SLC12A6: variants seen among roughly 807,000 people sequenced by gnomAD.
SLC12A6 encodes K-Cl cotransporter 3.
SLC12A6 carries 66 observed loss-of-function variants against 135.3 expected under a neutral mutation model. The ratio of observed to expected loss-of-function variants is 0.49; its 90% confidence interval spans 0.40 to 0.60. The LOEUF is 0.60. Among genes scored for constraint, SLC12A6 ranks in the 20% least tolerant of loss-of-function variants. The pLI, the probability that SLC12A6 is intolerant of heterozygous loss-of-function variation, is 0.00. For missense variants in SLC12A6, 1,058 were observed against 1,452.3 expected (o/e 0.73, Z 4.41); for synonymous variants, 513 against 508.8 (o/e 1.01, Z -0.11).
Position 34,230,480 on chromosome 15 carries a change from TG to T in SLC12A6, c.*3400del. ...CCCCCTGCCGAAGGAACCTGGCACC[TG>T]TCAAGCAGATGCTGCAGTTCAAACT... On this transcript the variant is annotated 3_prime_UTR_variant, in exon 26 of 26. Transcript: ENST00000354181. 1 of 152,590 alleles carries T rather than the reference TG, an allele frequency of 6.6e-6. No homozygotes were observed. The highest frequency in any genetic ancestry group is 1.5e-5 in the Non-Finnish European group (1 of 68,052). The allele number at this position is 152,590 out of a possible 1,614,324, so 9.5% of individuals were successfully genotyped here. A position where few individuals can be genotyped will look rare whatever the true frequency, so the allele number is the denominator to read the frequency against.
At chr15:34,237,094 G>GT (rs999716906) in intron 22 of SLC12A6, 27 of 471,574 alleles carry the variant, frequency 5.7e-5, no homozygotes, top group Non-Finnish European at 6.9e-5. Context: ...ATACTGTTAG[G>GT]TTTTTTTTAA....
chr15:34,283,693 C>T (rs1456528145), intron 2 of SLC12A6, among the ~76,000 whole-genome samples: 1 of 151,646 alleles, frequency 6.6e-6, no homozygotes, highest in Non-Finnish European at 1.5e-5. Context: ...TGTAGTGTAG[C>T]ACACTATAAT....
Position 34,337,700 on chromosome 15 carries a change from G to C in SLC12A6, c.-441C>G, listed in dbSNP as rs1890289541. 6.6e-6 allele frequency: 1 copy of C among 152,468 alleles called. No individual in the cohort carries two copies. Among genetic ancestry groups the C allele is most frequent in the African/African-American group, 2.4e-5 (1 of 41,466 alleles). 9.4% of individuals were successfully genotyped at this position (152,468 alleles called of 1,614,324 possible). The stretch of plus-strand genomic sequence containing the variant: ...CTGGCCTGACTGGGCAGCAGGGTGA[G>C]GGAGAAGGAGGTCGCAGGTGCAGTA... On this transcript the variant is annotated 5_prime_UTR_variant, in exon 1 of 26. Coordinates refer to ENST00000354181, the MANE Select transcript of SLC12A6 (RefSeq NM_001365088.1).
At chr15:34,244,235 C>T (rs1169736753) in intron 15 of SLC12A6, among the ~76,000 whole-genome samples, 163 bp from the exon 16 acceptor site, 1 of 152,196 alleles carries the variant, frequency 6.6e-6, no homozygotes, top group Non-Finnish European at 1.5e-5. Flanking sequence ...AACTGTTCAT[C>T]CTTCTCTGTT....
intron 2 of SLC12A6, among the ~76,000 whole-genome samples, chr15:34,284,116 T>C (rs1178522950): frequency 6.6e-6 from 1 of 151,706 alleles, no homozygotes; most frequent in African/African-American, 2.4e-5. Flanking sequence ...AGAACAGAAA[T>C]GGGGAAACCA....
At chr15:34,329,936 G>A (rs1037859178) in intron 2 of SLC12A6, among the ~76,000 whole-genome samples, 1 of 152,156 alleles carries the variant, frequency 6.6e-6, no homozygotes, top group Non-Finnish European at 1.5e-5. Flanking sequence ...TTGGGGAGGA[G>A]TGGGGAGGAA....
At chr15:34,293,098 A>G (rs758792009) in intron 2 of SLC12A6, among the ~76,000 whole-genome samples, 18 of 152,148 alleles carry the variant, frequency 1.2e-4, no homozygotes, top group Non-Finnish European at 2.2e-4. Flanking sequence ...TTCTGTGTCA[A>G]TCTTGCTGGG....
At chr15:34,332,927 A>G (rs1205483905) in intron 2 of SLC12A6, among the ~76,000 whole-genome samples, 2 of 152,236 alleles carry the variant, frequency 1.3e-5, no homozygotes, top group Non-Finnish European at 2.9e-5. Flanking sequence ...AGCACTAGAT[A>G]AAAGTCAGGA....
rs146432613 is a variant in SLC12A6, at chr15:34,270,328, TA to T, written c.316+5016del. ...CTGATCTTGAACCCCTGGCCTCAAGTAATCCTCCTACCTCCCTCCTCAGCCT... is the reference window on the plus strand; with the variant it reads ...CTGATCTTGAACCCCTGGCCTCAAGTATCCTCCTACCTCCCTCCTCAGCCT... On this transcript the variant is annotated intron_variant, in intron 3 of 25. Transcript: ENST00000354181. Among the ~76,000 whole-genome samples, 913 of 149,048 alleles carry T rather than the reference TA, an allele frequency of 6.1e-3. 36 individuals carry two copies. The highest frequency in any genetic ancestry group is 0.022 in the African/African-American group (862 of 38,514).
At chr15:34,330,913 G>T (rs1460839518) in intron 2 of SLC12A6, among the ~76,000 whole-genome samples, 2 of 151,980 alleles carry the variant, frequency 1.3e-5, no homozygotes, top group Non-Finnish European at 2.9e-5. Flanking sequence ...GTAGTGGCAC[G>T]TGCCTGTAGT....
In SLC12A6 at chr15:34,337,685, T is replaced by G. The variant is rs915327920; in HGVS notation, c.-426A>C. On this transcript the variant is annotated 5_prime_UTR_variant, in exon 1 of 26. Transcript: ENST00000354181. ...AGACGGCCACGCAGGCTGGCCTGAC[T>G]GGGCAGCAGGGTGAGGGAGAAGGAG... The G allele has an allele frequency of 1.3e-5, 2 of 152,418 alleles. No individual in the cohort carries two copies. The highest frequency in any genetic ancestry group is 2.4e-5 in the African/African-American group (1 of 41,546). The allele number at this position is 152,418 out of a possible 1,614,324, so 9.4% of individuals were successfully genotyped here.
At chr15:34,248,842 T>C (rs896180757) in intron 13 of SLC12A6, among the ~76,000 whole-genome samples, 1 of 152,162 alleles carries the variant, frequency 6.6e-6, no homozygotes, top group Non-Finnish European at 1.5e-5. Context: ...AGAAGACCCT[T>C]AGCCTAGTCT....
chr15:34,312,420 T>C (rs1346115976), intron 2 of SLC12A6, among the ~76,000 whole-genome samples: 1 of 152,232 alleles, frequency 6.6e-6, no homozygotes, highest in Non-Finnish European at 1.5e-5. Context: ...CCTTAGGACC[T>C]GGAGATACGA....
chr15:34,281,075 T>C (rs1172256301), intron 2 of SLC12A6, among the ~76,000 whole-genome samples: 1 of 152,058 alleles, frequency 6.6e-6, no homozygotes, highest in East Asian at 1.9e-4. Context: ...TAGGAAGAGA[T>C]TTGTTAAAGG....
intron 2 of SLC12A6, among the ~76,000 whole-genome samples, chr15:34,317,066 A>G (rs745307111): frequency 7.2e-5 from 11 of 152,240 alleles, no homozygotes; most frequent in Non-Finnish European, 1.5e-4. Context: ...GGCCTGAGAC[A>G]GAACCTAATT....
rs1891227722 is a variant in SLC12A6 at position 34,235,881 on chromosome 15, G to A, written c.3227+134C>T. 7 of 775,162 alleles carry A rather than the reference G, an allele frequency of 9.0e-6. No individual in the cohort carries two copies. In the East Asian group the frequency reaches 1.7e-4, roughly 19 times the overall value. The allele number at this position is 775,162 out of a possible 1,614,324, so 48.0% of individuals were successfully genotyped here. A position where few individuals can be genotyped will look rare whatever the true frequency, so the allele number is the denominator to read the frequency against. ...TACAGTGTTCATTGGGAGCCAGTAT[G>A]AACAGGCAAACAATAATGAGGTGGC... On this transcript the variant is annotated intron_variant, in intron 24 of 25. Coordinates refer to ENST00000354181, the MANE Select transcript of SLC12A6 (RefSeq NM_001365088.1).
chr15:34,241,639 T>C (rs1017415642), intron 17 of SLC12A6, among the ~76,000 whole-genome samples: 2 of 152,228 alleles, frequency 1.3e-5, no homozygotes, highest in Non-Finnish European at 2.9e-5. Flanking sequence ...TAGAAAATTA[T>C]AACAGACCTG....
chr15:34,327,844 C>A (rs1889575823), intron 2 of SLC12A6, among the ~76,000 whole-genome samples: 1 of 152,076 alleles, frequency 6.6e-6, no homozygotes, highest in Non-Finnish European at 1.5e-5. Flanking sequence ...AAATAAATAG[C>A]TTTACCCCAA....
intron 13 of SLC12A6, 31 bp downstream of exon 13, chr15:34,250,267 C>T: frequency 8.4e-7 from 1 of 1,194,990 alleles, no homozygotes; most frequent in Non-Finnish European, 1.3e-6. Context: ...CAGACACACA[C>T]ATAATTGTTA....
Sources: allele counts gnomAD v4.1 joint callset (sites outside exome capture counted in the v4.1 genomes callset), GRCh38; gene constraint gnomAD v4.1.1; transcripts MANE v1.5; gene names NCBI Gene and HGNC (gene_info 2026-07-23, HGNC 2026-07-21).